Variants in FBP2 observed in about 807,000 individuals in gnomAD.
The protein encoded by FBP2 is fructose-1,6-bisphosphatase isozyme 2.
FBP2 carries 27 observed loss-of-function variants against 31.6 expected under a neutral mutation model. The observed-to-expected ratio is 0.85, with a 90% CI of 0.63 to 1.18. FBP2 has a LOEUF of 1.18. Ranked by LOEUF, FBP2 falls within the 50% of genes most tolerant of loss-of-function variation. The pLI is 0.00. For synonymous variants in FBP2, 168 were observed against 179.8 expected (o/e 0.93, Z 0.53); for missense variants, 421 against 436.1 (o/e 0.97, Z 0.31).
intron 5 of FBP2, among the ~76,000 whole-genome samples, chr9:94,565,588 TAGAGATGGA>T (rs1172707188): frequency 6.6e-6 from 1 of 152,136 alleles, no homozygotes; most frequent in Non-Finnish European, 1.5e-5. Flanking sequence ...TATCAGGAAC[TAGAGATGGA>T]ACCCATATTC....
intron 6 of FBP2, among the ~76,000 whole-genome samples, chr9:94,559,874 T>A (rs910930993): frequency 1.3e-5 from 2 of 152,104 alleles, no homozygotes; most frequent in Admixed American, 1.3e-4. Flanking sequence ...CGGCCTGTAA[T>A]CCCAGGATTT....
At chr9:94,559,398 G>A (rs1403356697) in intron 6 of FBP2, among the ~76,000 whole-genome samples, 4 of 152,204 alleles carry the variant, frequency 2.6e-5, no homozygotes, top group African/African-American at 4.8e-5. Context: ...TTGTGCTTAT[G>A]AGAGACCTGC....
chr9:94,593,525 T>C, intron 1 of FBP2, 32 bp downstream of exon 1: 1 of 1,597,976 alleles, frequency 6.3e-7, no homozygotes, highest in Non-Finnish European at 8.5e-7. Flanking sequence ...CCTGGGGTGC[T>C]CTGTGCCCCA....
At chr9:94,563,228 A>G in intron 6 of FBP2, 114 bp downstream of exon 6, 1 of 1,210,774 alleles carries the variant, frequency 8.3e-7, no homozygotes, top group Non-Finnish European at 1.1e-6. Context: ...TCCCCTGCCC[A>G]TCCCCACACA....
In FBP2 at chr9:94,585,046, G is replaced by A. The variant is rs116727924; in HGVS notation, c.334-377C>T. On this transcript the variant is annotated intron_variant, in intron 2 of 6. Transcript: ENST00000375337. ...CGAGAGACCCTTAGTGATGGCGACCGGAACCCCCAGGCCAATTAAACACGG... is the reference window on the plus strand; with the variant it reads ...CGAGAGACCCTTAGTGATGGCGACCAGAACCCCCAGGCCAATTAAACACGG... Among the ~76,000 whole-genome samples the A allele has an allele frequency of 3.2e-3, 482 of 152,184 alleles. 1 individual carries two copies. The highest frequency in any genetic ancestry group is 0.011 in the African/African-American group (453 of 41,522).
chr9:94,567,280 T>A lies in FBP2; in HGVS notation c.695A>T (p.Lys232Ile), dbSNP rs1564181326. 1.2e-6 allele frequency: 2 copies of A among 1,614,158 alleles called. No homozygotes were observed. Among genetic ancestry groups the A allele is most frequent in the East Asian group, 4.5e-5 (2 of 44,880 alleles). The part of the protein sequence containing the change: ...AATTEYVQKK[K>I]FPEDGSAPYG... Reference sequence around the variant, plus strand: ...GCTTTCTTCACTCACCTCAGGGAATTTCTTTTTCTGCACATATTCAGTGGT... The same window carrying A: ...GCTTTCTTCACTCACCTCAGGGAATATCTTTTTCTGCACATATTCAGTGGT... Residue 232 changes from lysine (K) to isoleucine (I), a missense_variant, in exon 5 of 7, where the codon AAA becomes ATA. Physicochemically the swap from Lys to Ile is moderately radical, Grantham distance 102. Transcript: ENST00000375337.
intron 2 of FBP2, among the ~76,000 whole-genome samples, chr9:94,585,567 C>G (rs1395399928): frequency 1.3e-5 from 2 of 152,078 alleles, no homozygotes; most frequent in African/African-American, 4.8e-5. Flanking sequence ...ACAGACCTGA[C>G]TAGAATTAAG....
chr9:94,589,709 C>T (rs897406467), intron 1 of FBP2, among the ~76,000 whole-genome samples: 1 of 152,094 alleles, frequency 6.6e-6, no homozygotes, highest in Non-Finnish European at 1.5e-5. Context: ...CACCCTCTTC[C>T]CTGAACAGCA....
rs550526190 is a variant in FBP2 at position 94,563,403 on chromosome 9, C to G, written c.764G>C (p.Arg255Pro). The change falls in exon 6 of 7, where the codon CGC becomes CCC. Residue 255 changes from arginine (R) to proline (P), a missense_variant. Coordinates refer to ENST00000375337, the MANE Select transcript of FBP2 (RefSeq NM_003837.4). ...YVGSMVADVHRTLVYGGIFLY... is the reference protein window; with the variant it reads ...YVGSMVADVHPTLVYGGIFLY... ...GAAGATTCCTCCATAGACCAGGGTG[C>G]GGTGCACGTCAGCCACCATGGAGCC... 2.0e-4 allele frequency: 329 copies of G among 1,613,874 alleles called. No homozygotes were observed. The South Asian group carries it at 3.4e-3, about 17-fold the overall frequency.
At chr9:94,587,498 G>A (rs1827442063) in intron 1 of FBP2, 29 bp from the exon 2 acceptor site, 2 of 1,611,238 alleles carry the variant, frequency 1.2e-6, no homozygotes, top group Admixed American at 3.3e-5. Context: ...GAATGAGGAA[G>A]TCACTAGGGG....
At chr9:94,576,941 T>C (rs1488596183) in intron 3 of FBP2, among the ~76,000 whole-genome samples, 1 of 152,174 alleles carries the variant, frequency 6.6e-6, no homozygotes, top group Non-Finnish European at 1.5e-5. Flanking sequence ...TTTGGGACTC[T>C]ACTCAGCCCT....
intron 1 of FBP2, among the ~76,000 whole-genome samples, chr9:94,591,815 TA>T (rs952263937): frequency 5.9e-5 from 9 of 152,148 alleles, no homozygotes; most frequent in Non-Finnish European, 1.3e-4. Context: ...AAAGGGAATC[TA>T]AGGTCCTAGC....
At chr9:94,571,703 G>C (rs1389513893) in intron 3 of FBP2, 101 bp from the exon 4 acceptor site, 2 of 1,109,042 alleles carry the variant, frequency 1.8e-6, no homozygotes, top group African/African-American at 3.2e-5. Flanking sequence ...ACTGAAGGAA[G>C]CGCGGTTCTT....
chr9:94,584,906 G>A (rs1166627302), intron 2 of FBP2, among the ~76,000 whole-genome samples: 1 of 152,122 alleles, frequency 6.6e-6, no homozygotes, highest in African/African-American at 2.4e-5. Flanking sequence ...AAGATAAAGT[G>A]GGTGTGTCTT....
At chr9:94,590,503 C>A (rs1361993925) in intron 1 of FBP2, among the ~76,000 whole-genome samples, 2 of 152,216 alleles carry the variant, frequency 1.3e-5, no homozygotes. Flanking sequence ...TCACTGACTT[C>A]AAGAATGAAG....
In FBP2 at chr9:94,558,812, C is replaced by CT. The variant is rs1827047658; in HGVS notation, c.*125dup. ...CTGTCGTAAGCAGTTTGTTGTTGCT[C>CT]TTCTGTATGTGATTAAGTGGATTTA... On this transcript the variant is annotated 3_prime_UTR_variant, in exon 7 of 7. Coordinates refer to ENST00000375337, the MANE Select transcript of FBP2 (RefSeq NM_003837.4). The CT allele has an allele frequency of 4.6e-6, 4 of 870,084 alleles. No individual in the cohort carries two copies. In the Admixed American group the frequency reaches 7.1e-5, roughly 15 times the overall value. The allele number at this position is 870,084 out of a possible 1,614,324, so 53.9% of individuals were successfully genotyped here. A position where few individuals can be genotyped will look rare whatever the true frequency, so the allele number is the denominator to read the frequency against.
intron 4 of FBP2, 90 bp downstream of exon 4, chr9:94,571,372 A>G (rs1281888627): frequency 1.5e-6 from 2 of 1,315,788 alleles, no homozygotes; most frequent in Non-Finnish European, 2.0e-6. Context: ...AGTATTAGGA[A>G]TAACCAGGAC....
At chr9:94,581,606 C>G (rs1354837677) in intron 3 of FBP2, among the ~76,000 whole-genome samples, 1 of 152,148 alleles carries the variant, frequency 6.6e-6, no homozygotes, top group African/African-American at 2.4e-5. Flanking sequence ...AACCATACCA[C>G]CCCAGCATCC....
At chr9:94,591,517 C>T (rs1179422793) in intron 1 of FBP2, among the ~76,000 whole-genome samples, 1 of 152,212 alleles carries the variant, frequency 6.6e-6, no homozygotes, top group African/African-American at 2.4e-5. Context: ...TTCCCGCTCG[C>T]ACCTCTCCCT....
Sources: gnomAD v4.1 joint callset for allele counts (sites outside exome capture counted in the v4.1 genomes callset) on GRCh38, gnomAD v4.1.1 for gene constraint, MANE v1.5 for transcripts, NCBI Gene and HGNC (gene_info 2026-07-23, HGNC 2026-07-21) for gene names.